Variants in TRIM35 observed in about 807,000 individuals in gnomAD.
The protein encoded by TRIM35 is tripartite motif containing 35.
In TRIM35, 37 loss-of-function variants were observed where a neutral mutation model predicts 49.1. That is an observed-to-expected ratio of 0.75 (90% CI 0.58 to 0.99). The LOEUF is 0.99. Ranked by LOEUF, TRIM35 falls within the 50% of genes least tolerant of loss-of-function variation. TRIM35 has a pLI of 0.00. For missense variants in TRIM35, 648 were observed against 702.7 expected (o/e 0.92, Z 0.88); for synonymous variants, 302 against 289.3 (o/e 1.04, Z -0.45).
chr8:27,286,400 C>T lies in TRIM35; in HGVS notation c.*1150G>A. The T allele has an allele frequency of 6.4e-6, 2 of 314,476 alleles. No individual in the cohort carries two copies. Among genetic ancestry groups the T allele is most frequent in the Admixed American group, 4.1e-5 (1 of 24,214 alleles). The allele number at this position is 314,476 out of a possible 1,614,324, so 19.5% of individuals were successfully genotyped here. A position where few individuals can be genotyped will look rare whatever the true frequency, so the allele number is the denominator to read the frequency against. ...TAGGGCCACGTCCATGGCGCCACCC[C>T]TCTCCTTTCTTCCCAACTGAAAAGG... is the stretch of plus-strand genomic sequence containing the variant. On this transcript the variant is annotated 3_prime_UTR_variant, in exon 6 of 6. Coordinates refer to ENST00000305364, the MANE Select transcript of TRIM35 (RefSeq NM_171982.5).
At chr8:27,295,194 T>G (rs1378720975) in intron 2 of TRIM35, among the ~76,000 whole-genome samples, 1 of 152,180 alleles carries the variant, frequency 6.6e-6, no homozygotes, top group African/African-American at 2.4e-5. Context: ...TAAATATTTC[T>G]CAGCTTGGAA....
At chr8:27,288,435 G>A (rs180867253) in intron 5 of TRIM35, among the ~76,000 whole-genome samples, 1 of 152,194 alleles carries the variant, frequency 6.6e-6, no homozygotes, top group Non-Finnish European at 1.5e-5. Flanking sequence ...AAATAAAGAG[G>A]AGACAGACAC....
At position 27,288,099 on chromosome 8, in the gene TRIM35, T is replaced by G. The variant is rs1802375697; in HGVS notation, c.933A>C (p.Ala311=). The part of the protein sequence containing the change: ...SVPFSFDPNT[A]AGWLSVSDDL... ...CGTCAGACACGGAGAGCCAGCCAGC[T>G]GCGGTGTTGGGGTCAAAGCTGAAGG... The change falls in exon 6 of 6, where the codon GCA becomes GCC. Residue 311 remains alanine (A), a synonymous_variant. Transcript: ENST00000305364. 1.2e-6 allele frequency: 2 copies of G among 1,609,342 alleles called. No individual in the cohort carries two copies. Among genetic ancestry groups the G allele is most frequent in the Non-Finnish European group, 1.7e-6 (2 of 1,179,852 alleles).
intron 1 of TRIM35, among the ~76,000 whole-genome samples, chr8:27,310,375 T>TA (rs1802899152): frequency 2.0e-5 from 3 of 152,174 alleles, no homozygotes; most frequent in Admixed American, 2.0e-4. Context: ...GGGGAAATCT[T>TA]AAGACTCCAC....
Position 27,303,683 on chromosome 8 carries a change from T to G in TRIM35, c.436-5124A>C. ...ACATTATAACATTAAGATTTTTTAT[T>G]TATTTATTTTATATTTTTTACTTTT... On this transcript the variant is annotated intron_variant, in intron 1 of 5. Coordinates refer to ENST00000305364, the MANE Select transcript of TRIM35 (RefSeq NM_171982.5). 1.3e-5 allele frequency among the ~76,000 whole-genome samples: 2 copies of G among 152,090 alleles called. 1 individual carries two copies. Among genetic ancestry groups the G allele is most frequent in the East Asian group, 3.9e-4 (2 of 5,190 alleles).
chr8:27,289,372 C>G (rs764680523), intron 4 of TRIM35, 92 bp from the exon 5 acceptor site: 80 of 1,045,450 alleles, frequency 7.7e-5, no homozygotes, highest in Non-Finnish European at 1.1e-4. Context: ...AGGACTTGTT[C>G]CCTTCCCTCA....
chr8:27,308,157 A>C (rs1802825705), intron 1 of TRIM35, among the ~76,000 whole-genome samples: 1 of 152,142 alleles, frequency 6.6e-6, no homozygotes, highest in African/African-American at 2.4e-5. Flanking sequence ...CCCTGCAGAC[A>C]CCTCGATTTT....
intron 2 of TRIM35, among the ~76,000 whole-genome samples, chr8:27,295,305 A>G (rs1279367291): frequency 6.6e-6 from 1 of 152,228 alleles, no homozygotes; most frequent in Non-Finnish European, 1.5e-5. Context: ...ATGGCAAGAG[A>G]CTATCATAAA....
chr8:27,306,578 C>T (rs1307816806), intron 1 of TRIM35, among the ~76,000 whole-genome samples: 9 of 152,182 alleles, frequency 5.9e-5, no homozygotes. Context: ...CCTGCCTCGG[C>T]CTCCCAAAGT....
At chr8:27,297,837 A>C (rs2130289435) in intron 2 of TRIM35, among the ~76,000 whole-genome samples, 1 of 152,312 alleles carries the variant, frequency 6.6e-6, no homozygotes, top group Middle Eastern at 3.4e-3. Context: ...GGTTGAGGAT[A>C]GGCAGGGTCA....
rs962328086 is a variant in TRIM35, at chr8:27,306,754, G to A, written c.435+4047C>T. Among the ~76,000 whole-genome samples the A allele has an allele frequency of 7.2e-5, 11 of 152,330 alleles. No individual in the cohort carries two copies. In the East Asian group the frequency reaches 7.7e-4, roughly 11 times the overall value. On this transcript the variant is annotated intron_variant, in intron 1 of 5. Transcript: ENST00000305364. ...CCGGACCCAAATGAAGGCCAATCCC[G>A]TAACAAGAAAGCTCCAGAGCTCTTC...
At chr8:27,309,743 G>C (rs532905129) in intron 1 of TRIM35, among the ~76,000 whole-genome samples, 2 of 152,096 alleles carry the variant, frequency 1.3e-5, no homozygotes, top group South Asian at 2.1e-4. Context: ...AGTAGTTTGG[G>C]AGGCAGAGGA....
intron 1 of TRIM35, among the ~76,000 whole-genome samples, chr8:27,310,070 T>A (rs1802885507): frequency 1.3e-5 from 2 of 152,084 alleles, no homozygotes. Flanking sequence ...CTGATACATA[T>A]GTTCTGGGTC....
chr8:27,303,460 ATTATT>A (rs779938145), intron 1 of TRIM35, among the ~76,000 whole-genome samples: 6 of 152,046 alleles, frequency 3.9e-5, no homozygotes, highest in Non-Finnish European at 7.4e-5. Context: ...TCTAAACAAT[ATTATT>A]TTGTTTGCTT....
chr8:27,296,289 G>T (rs923886558), intron 2 of TRIM35, among the ~76,000 whole-genome samples: 1 of 151,790 alleles, frequency 6.6e-6, no homozygotes, highest in African/African-American at 2.4e-5. Flanking sequence ...AGCCCCGCAT[G>T]CATTAGCTAT....
At chr8:27,305,274 T>C (rs935751548) in intron 1 of TRIM35, among the ~76,000 whole-genome samples, 3 of 152,256 alleles carry the variant, frequency 2.0e-5, no homozygotes, top group Non-Finnish European at 4.4e-5. Flanking sequence ...AGCTTTCTTA[T>C]GCAACTCCAA....
At chr8:27,296,993 C>G (rs1040701296) in intron 2 of TRIM35, among the ~76,000 whole-genome samples, 2 of 152,152 alleles carry the variant, frequency 1.3e-5, no homozygotes, top group Non-Finnish European at 2.9e-5. Context: ...GAATTGCCCT[C>G]TTTTTACAGA....
rs952206956 is a variant in TRIM35, at chr8:27,285,560, T to C, written c.*1990A>G. On this transcript the variant is annotated 3_prime_UTR_variant, in exon 6 of 6. Coordinates refer to ENST00000305364, the MANE Select transcript of TRIM35 (RefSeq NM_171982.5). Reference sequence around the variant, plus strand: ...ATAAAGTTGAACACATGCTACAACATGGATGAACTTTGCTTATAAGAACAT... The same window carrying C: ...ATAAAGTTGAACACATGCTACAACACGGATGAACTTTGCTTATAAGAACAT... The C allele has an allele frequency of 3.3e-5, 5 of 151,032 alleles. No individual in the cohort carries two copies. The highest frequency in any genetic ancestry group is 1.2e-4 in the African/African-American group (5 of 40,994). 9.4% of individuals were successfully genotyped at this position (151,032 alleles called of 1,614,324 possible). A position where few individuals can be genotyped will look rare whatever the true frequency, so the allele number is the denominator to read the frequency against.
chr8:27,305,789 G>T (rs1183063853), intron 1 of TRIM35, among the ~76,000 whole-genome samples: 1 of 152,216 alleles, frequency 6.6e-6, no homozygotes, highest in African/African-American at 2.4e-5. Flanking sequence ...GCAAGCTGGA[G>T]AGTGCTGGAC....
Sources: gnomAD v4.1 joint callset for allele counts (sites outside exome capture counted in the v4.1 genomes callset) on GRCh38, gnomAD v4.1.1 for gene constraint, MANE v1.5 for transcripts, NCBI Gene and HGNC (gene_info 2026-07-23, HGNC 2026-07-21) for gene names.